Variants in PCED1B observed in about 807,000 individuals in gnomAD.
PCED1B encodes the protein PC-esterase domain-containing protein 1B.
For missense variants in PCED1B, 573 were observed against 573.9 expected, an observed-to-expected ratio of 1.00 and a Z score of 0.02; for synonymous variants, 251 against 246.1, an observed-to-expected ratio of 1.02 and a Z score of -0.19.
At chr12:47,188,598 A>C (rs1942349231) in intron 2 of PCED1B, among the ~76,000 whole-genome samples, 1 of 152,130 alleles carries the variant, frequency 6.6e-6, no homozygotes, top group Admixed American at 6.5e-5. Flanking sequence ...TCCTTTTTTC[A>C]ATGTGTACCT....
intron 2 of PCED1B, chr12:47,206,389 A>T (rs1466773895): frequency 6.6e-6 from 1 of 152,224 alleles, no homozygotes; most frequent in Admixed American, 6.5e-5. Context: ...GGAATGAACA[A>T]GGACAGCTTG....
intron 1 of PCED1B, among the ~76,000 whole-genome samples, chr12:47,098,222 A>G (rs1470795016): frequency 6.6e-6 from 1 of 152,178 alleles, no homozygotes; most frequent in Non-Finnish European, 1.5e-5. Context: ...GTGGACCACA[A>G]CAATCAGACT....
intron 2 of PCED1B, among the ~76,000 whole-genome samples, chr12:47,187,293 C>T (rs1334195466): frequency 6.6e-6 from 1 of 151,966 alleles, no homozygotes; most frequent in Non-Finnish European, 1.5e-5. Flanking sequence ...TGGGATCTTA[C>T]CTAAAACCAA....
intron 2 of PCED1B, among the ~76,000 whole-genome samples, chr12:47,131,869 A>C (rs1291214667): frequency 6.6e-6 from 1 of 151,906 alleles, no homozygotes; most frequent in African/African-American, 2.4e-5. Context: ...GGGTTTCACC[A>C]TGTTGGCCAG....
chr12:47,218,669 CTTTTTT>C (rs59140565), intron 3 of PCED1B, among the ~76,000 whole-genome samples: 2 of 128,404 alleles, frequency 1.6e-5, no homozygotes, highest in Non-Finnish European at 3.2e-5. Context: ...AATTTTTTTT[CTTTTTT>C]TTTTTTTTTT....
intron 2 of PCED1B, among the ~76,000 whole-genome samples, chr12:47,121,234 T>C (rs1296140796): frequency 6.6e-6 from 1 of 152,220 alleles, no homozygotes; most frequent in East Asian, 1.9e-4. Context: ...CGGTGATACA[T>C]TGTAGGCGAC....
chr12:47,167,109 C>G (rs1254714252), intron 2 of PCED1B, among the ~76,000 whole-genome samples: 1 of 152,056 alleles, frequency 6.6e-6, no homozygotes, highest in Non-Finnish European at 1.5e-5. Flanking sequence ...GTTATTGAGT[C>G]CTCTTCTCCA....
At chr12:47,127,545 T>C (rs1347808350) in intron 2 of PCED1B, among the ~76,000 whole-genome samples, 1 of 152,014 alleles carries the variant, frequency 6.6e-6, no homozygotes, top group East Asian at 1.9e-4. Flanking sequence ...TTGTATTTTT[T>C]AGTAGAAACA....
At chr12:47,082,306 C>A (rs1937770892) in intron 1 of PCED1B, among the ~76,000 whole-genome samples, 1 of 152,098 alleles carries the variant, frequency 6.6e-6, no homozygotes, top group Admixed American at 6.5e-5. Flanking sequence ...GGAACCTATT[C>A]AAAGTGGTTA....
At chr12:47,143,214 A>C (rs546806939) in intron 2 of PCED1B, among the ~76,000 whole-genome samples, 1 of 152,318 alleles carries the variant, frequency 6.6e-6, no homozygotes, top group South Asian at 2.1e-4. Context: ...AGTCCTAGCC[A>C]GAGCAGTTAG....
chr12:47,229,695 G>A (rs1943739870), intron 3 of PCED1B, among the ~76,000 whole-genome samples: 1 of 152,132 alleles, frequency 6.6e-6, no homozygotes, highest in East Asian at 1.9e-4. Flanking sequence ...CCACTCATGT[G>A]GACTGTGGTT....
chr12:47,187,461 A>C (rs1426835927), intron 2 of PCED1B, among the ~76,000 whole-genome samples: 1 of 152,204 alleles, frequency 6.6e-6, no homozygotes, highest in Non-Finnish European at 1.5e-5. Context: ...ACAAGAGAGA[A>C]AAAGAGAAAC....
chr12:47,146,830 C>T (rs1022272619), intron 2 of PCED1B, among the ~76,000 whole-genome samples: 2 of 152,176 alleles, frequency 1.3e-5, no homozygotes, highest in Non-Finnish European at 2.9e-5. Context: ...CACAATACTT[C>T]TCAGATATGC....
chr12:47,121,103 A>C (rs1031208142), intron 2 of PCED1B, among the ~76,000 whole-genome samples: 3 of 152,228 alleles, frequency 2.0e-5, no homozygotes, highest in Non-Finnish European at 4.4e-5. Context: ...GAAAATACTA[A>C]AAACCATTGA....
At chr12:47,211,653 CAAAAAAAA>C (rs760117906) in intron 2 of PCED1B, among the ~76,000 whole-genome samples, 1 of 65,622 alleles carries the variant, frequency 1.5e-5, no homozygotes, top group Admixed American at 1.9e-4. Context: ...GACTCTGTCT[CAAAAAAAA>C]AAAAAAAAAA....
intron 2 of PCED1B, among the ~76,000 whole-genome samples, chr12:47,171,819 C>CTCTTCT (rs757671090): frequency 2.0e-5 from 3 of 149,856 alleles, no homozygotes; most frequent in South Asian, 4.2e-4. Context: ...TTTTTTCTTC[C>CTCTTCT]TCTTCTTCTT....
At chr12:47,123,763 C>A (rs1939773614) in intron 2 of PCED1B, among the ~76,000 whole-genome samples, 1 of 151,950 alleles carries the variant, frequency 6.6e-6, no homozygotes, top group East Asian at 1.9e-4. Context: ...ATCTATTATA[C>A]TTTCATTTTA....
At chr12:47,189,945 T>C (rs1354356750) in intron 2 of PCED1B, among the ~76,000 whole-genome samples, 1 of 152,162 alleles carries the variant, frequency 6.6e-6, no homozygotes, top group Admixed American at 6.5e-5. Context: ...TTGGGTCAGC[T>C]CTTCCAGCCC....
Position 47,204,818 on chromosome 12 carries a change from A to G in PCED1B, c.-525-11404A>G, listed in dbSNP as rs573124941. 2.0e-5 allele frequency among the ~76,000 whole-genome samples: 3 copies of G among 152,346 alleles called. No individual in the cohort carries two copies. In the South Asian group the frequency reaches 6.2e-4, roughly 32 times the overall value. ...ATTTATTTCTAATTTAGCAATAAAT[A>G]CTATATACTTAGTGACTCCTAGTAT... On this transcript the variant is annotated intron_variant, in intron 2 of 3. Transcript: ENST00000546455.
Sources: gnomAD v4.1 joint callset for allele counts (sites outside exome capture counted in the v4.1 genomes callset) on GRCh38, gnomAD v4.1.1 for gene constraint, MANE v1.5 for transcripts, NCBI Gene and HGNC (gene_info 2026-07-23, HGNC 2026-07-21) for gene names.